ADAMTS2: variants seen among roughly 807,000 people sequenced by gnomAD.
The protein encoded by ADAMTS2 is A disintegrin and metalloproteinase with thrombospondin motifs 2.
Under a neutral mutation model 123.0 loss-of-function variants are expected in ADAMTS2, and 50 were observed. That is an observed-to-expected ratio of 0.41 (90% CI 0.32 to 0.51). The LOEUF (loss-of-function observed/expected upper bound fraction) is 0.51. ADAMTS2 is among the 20% of genes least tolerant of loss of function. The pLI, the probability that ADAMTS2 is intolerant of heterozygous loss-of-function variation, is 0.35. For synonymous variants in ADAMTS2, 678 were observed against 695.4 expected (o/e 0.98, Z 0.39); for missense variants, 1,494 against 1,705.2 (o/e 0.88, Z 2.18).
chr5:179,342,552 T>C (rs1470881477), intron 2 of ADAMTS2, among the ~76,000 whole-genome samples: 5 of 152,240 alleles, frequency 3.3e-5, no homozygotes, highest in Admixed American at 6.5e-5. Context: ...CCTGGTGTAA[T>C]TGCCGGCTCT....
intron 2 of ADAMTS2, among the ~76,000 whole-genome samples, chr5:179,302,153 G>A (rs760375236): frequency 6.6e-6 from 1 of 152,088 alleles, no homozygotes; most frequent in South Asian, 2.1e-4. Flanking sequence ...TCACCCCACT[G>A]CATGTATGAA....
rs371142889 is a variant in ADAMTS2, at chr5:179,265,540, G to A, written c.688+7371C>T. ...CCTCGCTTCTGCCTTCACAGCCCAG[G>A]GGGTGGGAAGCACCCACAGGGCAGC... On this transcript the variant is annotated intron_variant, in intron 3 of 21. Coordinates refer to ENST00000251582, the MANE Select transcript of ADAMTS2 (RefSeq NM_014244.5). 9.2e-5 allele frequency among the ~76,000 whole-genome samples: 14 copies of A among 152,286 alleles called. No homozygotes were observed. The East Asian group carries it at 2.1e-3, about 23-fold the overall frequency.
chr5:179,187,732 T>C (rs1320824916), intron 4 of ADAMTS2, among the ~76,000 whole-genome samples: 1 of 152,148 alleles, frequency 6.6e-6, no homozygotes, highest in African/African-American at 2.4e-5. Flanking sequence ...GAGTACTGTC[T>C]GAGAAATTGA....
intron 5 of ADAMTS2, among the ~76,000 whole-genome samples, chr5:179,174,922 G>A (rs1034151426): frequency 2.1e-5 from 3 of 145,896 alleles, no homozygotes; most frequent in Non-Finnish European, 4.5e-5. Context: ...GACCATTCAT[G>A]TTCCTTTGGA....
At chr5:179,134,330 C>T (rs1037879667) in intron 13 of ADAMTS2, among the ~76,000 whole-genome samples, 1 of 152,128 alleles carries the variant, frequency 6.6e-6, no homozygotes, top group Non-Finnish European at 1.5e-5. Flanking sequence ...GCAAGCCAGC[C>T]AGTCTTCAGT....
chr5:179,226,112 C>T (rs754351076), intron 3 of ADAMTS2, among the ~76,000 whole-genome samples: 3 of 152,184 alleles, frequency 2.0e-5, no homozygotes, highest in African/African-American at 7.2e-5. Flanking sequence ...GCACGCCCTG[C>T]GAGGAGGACA....
intron 3 of ADAMTS2, among the ~76,000 whole-genome samples, chr5:179,222,854 G>T (rs1008262349): frequency 6.6e-6 from 1 of 152,270 alleles, no homozygotes; most frequent in South Asian, 2.1e-4. Flanking sequence ...CCCCTGCAGG[G>T]CCCAGCTGCC....
At chr5:179,336,105 C>A (rs1311340755) in intron 2 of ADAMTS2, among the ~76,000 whole-genome samples, 2 of 152,290 alleles carry the variant, frequency 1.3e-5, no homozygotes, top group Middle Eastern at 3.4e-3. Context: ...AAGGCTGGTC[C>A]CCCCAACACG....
chr5:179,208,236 G>A (rs1173899140), intron 3 of ADAMTS2, among the ~76,000 whole-genome samples: 1 of 91,656 alleles, frequency 1.1e-5, no homozygotes, highest in East Asian at 5.0e-4. Flanking sequence ...TGTCCCAGGT[G>A]TCATCGCCAG....
intron 2 of ADAMTS2, among the ~76,000 whole-genome samples, chr5:179,299,530 A>AACACACAC (rs3986821): frequency 0.05 from 6,057 of 120,342 alleles, 190 homozygotes; most frequent in Non-Finnish European, 0.055. Flanking sequence ...CTCCAACTCA[A>AACACACAC]ACACACACAC....
chr5:179,247,188 G>T (rs777739862), intron 3 of ADAMTS2, among the ~76,000 whole-genome samples: 3 of 152,090 alleles, frequency 2.0e-5, no homozygotes, highest in Admixed American at 1.3e-4. Flanking sequence ...TATCAATAAA[G>T]AAATAGAAAT....
intron 3 of ADAMTS2, among the ~76,000 whole-genome samples, chr5:179,258,218 A>C (rs148435290): frequency 0.013 from 1,919 of 152,252 alleles, 41 homozygotes; most frequent in African/African-American, 0.042. Flanking sequence ...TTGGGTGGGC[A>C]GACCTGAGCA....
intron 2 of ADAMTS2, among the ~76,000 whole-genome samples, chr5:179,333,604 T>C (rs1757534507): frequency 6.8e-6 from 1 of 147,658 alleles, no homozygotes; most frequent in African/African-American, 2.5e-5. Flanking sequence ...CTGTTTTTTT[T>C]TTTTTTTTTT....
At chr5:179,171,693 G>C (rs1344345807) in intron 5 of ADAMTS2, among the ~76,000 whole-genome samples, 1 of 152,350 alleles carries the variant, frequency 6.6e-6, no homozygotes, top group Non-Finnish European at 1.5e-5. Flanking sequence ...AGGAAGGCGG[G>C]GTAGGGCCAG....
chr5:179,343,845 G>A lies in ADAMTS2; in HGVS notation c.456C>T (p.Leu152=), dbSNP rs750739595. ...CGTCTCCGACGTAGAGACAGCTCCC[G>A]AGCAGGGGCTCCACGCGGGTGGTGC... ...EKGTTRVEPL[L]GSCLYVGDVA... is the part of the protein sequence containing the mutation. Residue 152 remains leucine, a synonymous_variant, in exon 2 of 22, where the codon CTC becomes CTT. Coordinates refer to ENST00000251582, the MANE Select transcript of ADAMTS2 (RefSeq NM_014244.5). The A allele has an allele frequency of 5.6e-6, 9 of 1,603,802 alleles. No individual in the cohort carries two copies. Among genetic ancestry groups the A allele is most frequent in the Middle Eastern group, 1.7e-4 (1 of 6,046 alleles).
At chr5:179,276,892 G>A (rs774618355) in intron 2 of ADAMTS2, among the ~76,000 whole-genome samples, 2 of 152,164 alleles carry the variant, frequency 1.3e-5, no homozygotes, top group African/African-American at 4.8e-5. Context: ...GACCTAGTGT[G>A]ACAATGAGGC....
intron 2 of ADAMTS2, among the ~76,000 whole-genome samples, chr5:179,337,748 C>A (rs1302224086): frequency 6.6e-5 from 10 of 152,256 alleles, no homozygotes; most frequent in Middle Eastern, 3.2e-3. Flanking sequence ...GCAAAGCCAG[C>A]CTCGCTGCTG....
Position 179,304,070 on chromosome 5 carries a change from C to T in ADAMTS2, c.535-31006G>A, listed in dbSNP as rs543044298. 3.7e-3 allele frequency among the ~76,000 whole-genome samples: 566 copies of T among 152,288 alleles called. 4 individuals are homozygous for T. The highest frequency in any genetic ancestry group is 6.8e-3 in the Middle Eastern group (2 of 294). On this transcript the variant is annotated intron_variant, in intron 2 of 21. Transcript: ENST00000251582. ...GGTGGACCAATGCCCAGGTCCCAGA[C>T]GTGCCACTGGGTTGTGTTTACATGG...
chr5:179,135,835 A>C, intron 13 of ADAMTS2, 74 bp downstream of exon 13: 1 of 1,603,750 alleles, frequency 6.2e-7, no homozygotes, highest in Non-Finnish European at 8.5e-7. Flanking sequence ...CAATACCCCG[A>C]AAAGGGGGAG....
Sources: gnomAD v4.1 joint callset for allele counts (sites outside exome capture counted in the v4.1 genomes callset) on GRCh38, gnomAD v4.1.1 for gene constraint, MANE v1.5 for transcripts, NCBI Gene and HGNC (gene_info 2026-07-23, HGNC 2026-07-21) for gene names.